KIAA0825: variants seen among roughly 807,000 people sequenced by gnomAD.
The protein encoded by KIAA0825 is uncharacterized protein KIAA0825.
A neutral mutation model predicts 147.6 loss-of-function variants in KIAA0825; 119 were observed. That is an observed-to-expected ratio of 0.81 (90% CI 0.69 to 0.94). The LOEUF is 0.94. KIAA0825 is among the 40% of genes least tolerant of loss of function. The pLI, the probability that KIAA0825 is intolerant of heterozygous loss-of-function variation, is 0.00. For missense variants in KIAA0825, 1,381 were observed against 1,472.7 expected (o/e 0.94, Z 1.02); for synonymous variants, 470 against 518.1 (o/e 0.91, Z 1.26).
chr5:94,281,197 T>TC (rs1777446005), intron 20 of KIAA0825, among the ~76,000 whole-genome samples: 2 of 90,336 alleles, frequency 2.2e-5, no homozygotes, highest in Admixed American at 1.5e-4. Flanking sequence ...ATAAGTGATT[T>TC]AACACACACA....
chr5:94,332,096 G>A (rs1781329952), intron 20 of KIAA0825, among the ~76,000 whole-genome samples: 1 of 145,418 alleles, frequency 6.9e-6, no homozygotes, highest in Non-Finnish European at 1.5e-5. Context: ...TGGAGGCAGA[G>A]TTTGCAGTGA....
chr5:94,617,615 T>C (rs1312430039), intron 1 of KIAA0825, among the ~76,000 whole-genome samples: 1 of 152,132 alleles, frequency 6.6e-6, no homozygotes, highest in Non-Finnish European at 1.5e-5. Flanking sequence ...TTACGGGGGT[T>C]GGTGGGGAGG....
At chr5:94,183,862 A>G (rs1230248871) in intron 20 of KIAA0825, among the ~76,000 whole-genome samples, 3 of 152,196 alleles carry the variant, frequency 2.0e-5, no homozygotes, top group African/African-American at 7.2e-5. Flanking sequence ...AATATCCTTT[A>G]TAATAAACAA....
chr5:94,422,167 C>T (rs1754262735), intron 14 of KIAA0825, among the ~76,000 whole-genome samples: 1 of 152,144 alleles, frequency 6.6e-6, no homozygotes, highest in Admixed American at 6.6e-5. Context: ...TCTCTTTGAC[C>T]TACTACTGCC....
At chr5:94,417,164 T>C (rs749068873) in intron 15 of KIAA0825, 37 bp downstream of exon 15, 16 of 1,523,728 alleles carry the variant, frequency 1.1e-5, no homozygotes, top group East Asian at 2.5e-5. Flanking sequence ...TAAGTATCTA[T>C]AGAACATTTC....
intron 20 of KIAA0825, among the ~76,000 whole-genome samples, chr5:94,367,011 G>T (rs985597622): frequency 2.0e-5 from 3 of 152,230 alleles, no homozygotes; most frequent in African/African-American, 4.8e-5. Context: ...CTTGTGGAAT[G>T]CTGAGAAAGG....
chr5:94,326,920 G>A (rs549762874), intron 20 of KIAA0825, among the ~76,000 whole-genome samples: 1 of 152,182 alleles, frequency 6.6e-6, no homozygotes, highest in African/African-American at 2.4e-5. Flanking sequence ...TTGAGATGTG[G>A]TGACATCATG....
intron 20 of KIAA0825, among the ~76,000 whole-genome samples, chr5:94,331,416 T>G (rs907951942): frequency 1.3e-5 from 2 of 152,044 alleles, no homozygotes; most frequent in African/African-American, 4.8e-5. Flanking sequence ...TCAGAGAAAA[T>G]TAATTCATAG....
intron 16 of KIAA0825, among the ~76,000 whole-genome samples, chr5:94,399,979 C>A (rs1397111547): frequency 1.3e-5 from 2 of 151,972 alleles, no homozygotes; most frequent in Non-Finnish European, 2.9e-5. Flanking sequence ...CTTCACAATA[C>A]AAAGGTCAAG....
In KIAA0825 at chr5:94,298,812, G is replaced by A. The variant is rs1211625707; in HGVS notation, c.3710+85556C>T. On this transcript the variant is annotated intron_variant, in intron 20 of 20. Transcript: ENST00000682413. ...GCAGCAGTGGGATTCCTTTGAATAC[G>A]TTCATCTTGTGCTTGAGCAGCTGGA... Among the ~76,000 whole-genome samples, 4 of 152,130 alleles carry A rather than the reference G, an allele frequency of 2.6e-5. No homozygotes were observed. In the East Asian group the frequency reaches 7.7e-4, roughly 29 times the overall value.
At chr5:94,405,567 A>C (rs1033498728) in intron 15 of KIAA0825, among the ~76,000 whole-genome samples, 2 of 152,210 alleles carry the variant, frequency 1.3e-5, no homozygotes, top group Non-Finnish European at 2.9e-5. Context: ...ATACATTAGC[A>C]TACTTTCCTG....
At position 94,248,682 on chromosome 5, in the gene KIAA0825, A is replaced by G. The variant is rs568952595; in HGVS notation, c.3711-94558T>C. Among the ~76,000 whole-genome samples the G allele has an allele frequency of 1.9e-4, 29 of 152,214 alleles. No individual in the cohort carries two copies. The East Asian group carries it at 5.4e-3, about 28-fold the overall frequency. On this transcript the variant is annotated intron_variant, in intron 20 of 20. Transcript: ENST00000682413. ...GGAGAAGTTGCTGACTGGCAGAAAG[A>G]CCTTGCTGCAATGTGGATTTACCTC...
intron 18 of KIAA0825, among the ~76,000 whole-genome samples, chr5:94,388,856 G>A (rs991498079): frequency 2.0e-5 from 3 of 152,144 alleles, no homozygotes; most frequent in African/African-American, 7.2e-5. Flanking sequence ...TGTGCATTAT[G>A]TCAAAGCTTA....
In KIAA0825 at chr5:94,462,386, C is replaced by T. The variant is rs1157881084; in HGVS notation, c.2246+1G>A. ...AAAAGGAAAATACATTTGATACTTA[C>T]TTATATAATTCTGTTAATGGTGAAG... On this transcript the variant is annotated splice_donor_variant, in intron 12 of 20. Coordinates refer to ENST00000682413, the MANE Select transcript of KIAA0825 (RefSeq NM_001145678.3). LOFTEE classifies it high-confidence loss of function. 2 of 1,344,568 alleles carry T rather than the reference C, an allele frequency of 1.5e-6. No homozygotes were observed. The highest frequency in any genetic ancestry group is 1.4e-5 in the South Asian group (1 of 70,874). 83.3% of individuals were successfully genotyped at this position (1,344,568 alleles called of 1,614,324 possible).
chr5:94,402,029 C>CA (rs1267710755), intron 16 of KIAA0825, among the ~76,000 whole-genome samples: 5 of 151,960 alleles, frequency 3.3e-5, no homozygotes, highest in Non-Finnish European at 5.9e-5. Context: ...TCTTAGAACG[C>CA]AAAAAATGGT....
intron 20 of KIAA0825, among the ~76,000 whole-genome samples, chr5:94,228,707 A>G (rs1456248332): frequency 6.6e-6 from 1 of 152,206 alleles, no homozygotes; most frequent in African/African-American, 2.4e-5. Context: ...GCTTTTAGGT[A>G]TCAGTCCACT....
At chr5:94,514,452 G>GATTTCAGAA (rs1162325523) in intron 5 of KIAA0825, among the ~76,000 whole-genome samples, 8 of 152,044 alleles carry the variant, frequency 5.3e-5, no homozygotes, top group African/African-American at 1.9e-4. Context: ...TGTATGCTAT[G>GATTTCAGAA]AGTCCAACAG....
intron 3 of KIAA0825, among the ~76,000 whole-genome samples, chr5:94,536,175 C>A (rs1771969857): frequency 6.6e-6 from 1 of 152,018 alleles, no homozygotes; most frequent in Admixed American, 6.6e-5. Context: ...TTTACTTATG[C>A]CCATTGTTAT....
chr5:94,276,799 AT>A (rs1777243348), intron 20 of KIAA0825, among the ~76,000 whole-genome samples: 1 of 152,112 alleles, frequency 6.6e-6, no homozygotes, highest in African/African-American at 2.4e-5. Context: ...AAACAGCCTT[AT>A]GGCTAGGCAT....
Sources: gnomAD v4.1 joint callset for allele counts (sites outside exome capture counted in the v4.1 genomes callset) on GRCh38, gnomAD v4.1.1 for gene constraint, MANE v1.5 for transcripts, NCBI Gene and HGNC (gene_info 2026-07-23, HGNC 2026-07-21) for gene names.